Variants in GTF2F2 observed in about 807,000 individuals in gnomAD.
The protein encoded by GTF2F2 is ATP-dependent helicase GTF2F2.
GTF2F2 carries 23 observed loss-of-function variants against 42.2 expected under a neutral mutation model. That is an observed-to-expected ratio of 0.55 (90% CI 0.39 to 0.77). The LOEUF is 0.77. Ranked by LOEUF, GTF2F2 falls within the 30% of genes least tolerant of loss-of-function variation. The pLI is 0.00. For synonymous variants in GTF2F2, 105 were observed against 100.8 expected (o/e 1.04, Z -0.25); for missense variants, 261 against 287.2 (o/e 0.91, Z 0.66).
chr13:45,248,225 A>G (rs1224026776), intron 5 of GTF2F2, among the ~76,000 whole-genome samples: 1 of 152,170 alleles, frequency 6.6e-6, no homozygotes, highest in African/African-American at 2.4e-5. Context: ...TTGATACTTA[A>G]TAGTCTTACA....
intron 5 of GTF2F2, among the ~76,000 whole-genome samples, chr13:45,214,246 T>C (rs776776236): frequency 6.6e-6 from 1 of 152,244 alleles, no homozygotes; most frequent in Non-Finnish European, 1.5e-5. Flanking sequence ...CCAGATGTTA[T>C]GAGAATTATA....
chr13:45,282,347 A>T (rs933377148), intron 7 of GTF2F2, among the ~76,000 whole-genome samples: 4 of 152,202 alleles, frequency 2.6e-5, no homozygotes, highest in Non-Finnish European at 5.9e-5. Flanking sequence ...TATTACACTT[A>T]ACATAGCCAT....
At chr13:45,241,983 A>G (rs1875336139) in intron 5 of GTF2F2, among the ~76,000 whole-genome samples, 1 of 152,160 alleles carries the variant, frequency 6.6e-6, no homozygotes. Flanking sequence ...ATAAGGATAT[A>G]ATACATTTAC....
At chr13:45,267,101 A>G in intron 6 of GTF2F2, 132 bp from the exon 7 acceptor site, 3 of 647,114 alleles carry the variant, frequency 4.6e-6, no homozygotes, top group Non-Finnish European at 7.7e-6. Flanking sequence ...GTGAGCTGAG[A>G]TCATGCCACT....
At chr13:45,178,823 TG>T (rs890598281) in intron 4 of GTF2F2, among the ~76,000 whole-genome samples, 5 of 152,116 alleles carry the variant, frequency 3.3e-5, no homozygotes, top group Non-Finnish European at 7.4e-5. Context: ...TGGATTAAGC[TG>T]GGGGCTCTAC....
chr13:45,194,369 T>C, intron 4 of GTF2F2: 2 of 1,614,116 alleles, frequency 1.2e-6, no homozygotes, highest in Non-Finnish European at 1.7e-6. Context: ...GGGCAGAGGA[T>C]TTTTCCATTT....
intron 7 of GTF2F2, among the ~76,000 whole-genome samples, chr13:45,275,026 T>C (rs147280493): frequency 2.9e-3 from 435 of 152,308 alleles, no homozygotes; most frequent in African/African-American, 9.5e-3. Context: ...TCATACCCAT[T>C]ACTAGTCACT....
At chr13:45,121,769 A>G (rs1288137118) in intron 1 of GTF2F2, among the ~76,000 whole-genome samples, 1 of 152,232 alleles carries the variant, frequency 6.6e-6, no homozygotes, top group Non-Finnish European at 1.5e-5. Flanking sequence ...GAATAAATGC[A>G]TGACCTCTCA....
At chr13:45,193,781 C>T in intron 4 of GTF2F2, 2 of 1,562,466 alleles carry the variant, frequency 1.3e-6, no homozygotes, top group Non-Finnish European at 1.7e-6. Flanking sequence ...GTTCGTGACA[C>T]AGGTAATTAC....
At chr13:45,282,971 A>G (rs1877322825) in intron 7 of GTF2F2, among the ~76,000 whole-genome samples, 1 of 152,196 alleles carries the variant, frequency 6.6e-6, no homozygotes, top group South Asian at 2.1e-4. Flanking sequence ...AATACCTGTC[A>G]TATGCCTGCT....
chr13:45,180,452 G>A (rs1872096976), intron 4 of GTF2F2, among the ~76,000 whole-genome samples: 1 of 152,096 alleles, frequency 6.6e-6, no homozygotes, highest in East Asian at 1.9e-4. Context: ...GTGTGTGTAT[G>A]TATGTGTAAT....
rs1312410262 is a variant in GTF2F2 at position 45,167,398 on chromosome 13, T to C, written c.304+15567T>C. Among the ~76,000 whole-genome samples, 9 of 133,804 alleles carry C rather than the reference T, an allele frequency of 6.7e-5. No individual in the cohort carries two copies. The South Asian group carries it at 2.1e-3, about 31-fold the overall frequency. 87.8% of individuals were successfully genotyped at this position (133,804 alleles called of 152,430 possible). ...CACCCAGCTAATTTCACCCAGCTAT[T>C]TTTTTTTTTTTTTTTTTTGAGATAG... On this transcript the variant is annotated intron_variant, in intron 4 of 7. Transcript: ENST00000340473.
chr13:45,280,052 G>C (rs948048065), intron 7 of GTF2F2, among the ~76,000 whole-genome samples: 1 of 152,102 alleles, frequency 6.6e-6, no homozygotes, highest in South Asian at 2.1e-4. Flanking sequence ...GTTAGAGAAA[G>C]TTTCTCTGAG....
At chr13:45,138,748 C>T (rs764617477) in intron 2 of GTF2F2, among the ~76,000 whole-genome samples, 6 of 152,164 alleles carry the variant, frequency 3.9e-5, no homozygotes, top group African/African-American at 1.2e-4. Context: ...CGGGTTCAAG[C>T]GATTCTCCTG....
At position 45,271,645 on chromosome 13, in the gene GTF2F2, G is replaced by A. The variant is rs574461059; in HGVS notation, c.630+4269G>A. ...CAGCTCACTACAACCTCCACCTCCC[G>A]GGTTCAAGAAATTCTCCTGCCTCAG... On this transcript the variant is annotated intron_variant, in intron 7 of 7. Coordinates refer to ENST00000340473, the MANE Select transcript of GTF2F2 (RefSeq NM_004128.3). Among the ~76,000 whole-genome samples the A allele has an allele frequency of 5.9e-4, 89 of 151,914 alleles. No homozygotes were observed. In the East Asian group the frequency reaches 0.016, roughly 27 times the overall value.
At chr13:45,151,953 T>G in intron 4 of GTF2F2, 122 bp downstream of exon 4, 1 of 539,856 alleles carries the variant, frequency 1.9e-6, no homozygotes, top group Non-Finnish European at 3.2e-6. Context: ...TTCGCTCTTG[T>G]TGCCCAGGCT....
At chr13:45,167,442 G>A (rs559223852) in intron 4 of GTF2F2, among the ~76,000 whole-genome samples, 7 of 142,658 alleles carry the variant, frequency 4.9e-5, no homozygotes, top group Non-Finnish European at 1.1e-4. Context: ...TGTGTCACCA[G>A]GCTGGAGTGC....
intron 4 of GTF2F2, among the ~76,000 whole-genome samples, chr13:45,182,560 G>A (rs948307414): frequency 6.6e-6 from 1 of 151,998 alleles, no homozygotes; most frequent in Non-Finnish European, 1.5e-5. Context: ...TCCAGAGCAG[G>A]GCAGTACAAG....
intron 5 of GTF2F2, among the ~76,000 whole-genome samples, chr13:45,223,112 GCCTGTAGTCTCAGCTACT>G (rs899625082): frequency 9.9e-5 from 15 of 151,776 alleles, no homozygotes; most frequent in East Asian, 5.8e-4. Flanking sequence ...TCCCAGCTAC[GCCTGTAGTCTCAGCTACT>G]CCTGTAGTCT....
Sources: gnomAD v4.1 joint callset for allele counts (sites outside exome capture counted in the v4.1 genomes callset) on GRCh38, gnomAD v4.1.1 for gene constraint, MANE v1.5 for transcripts, NCBI Gene and HGNC (gene_info 2026-07-23, HGNC 2026-07-21) for gene names.